UGP2: variants seen among roughly 807,000 people sequenced by gnomAD.
UGP2 encodes the protein UDP-glucose pyrophosphorylase 2.
Under a neutral mutation model 49.0 loss-of-function variants are expected in UGP2, and 40 were observed. That is an observed-to-expected ratio of 0.82 (90% CI 0.63 to 1.06). The LOEUF (loss-of-function observed/expected upper bound fraction) is 1.06. Among genes scored for constraint, UGP2 ranks in the 50% least tolerant of loss-of-function variants. The probability of loss-of-function intolerance (pLI) is 0.00; values close to 1 mark genes in which losing one functional copy is unlikely to be tolerated. For synonymous variants in UGP2, 225 were observed against 213.0 expected (o/e 1.06, Z -0.49); for missense variants, 460 against 603.5 (o/e 0.76, Z 2.49).
chr2:63,876,695 AG>A (rs1211963240), intron 3 of UGP2, among the ~76,000 whole-genome samples: 1 of 152,218 alleles, frequency 6.6e-6, no homozygotes, highest in African/African-American at 2.4e-5. Flanking sequence ...TTAGCATGCA[AG>A]GTTATAAATA....
chr2:63,846,700 A>G (rs1671959874), intron 1 of UGP2, among the ~76,000 whole-genome samples: 1 of 152,212 alleles, frequency 6.6e-6, no homozygotes, highest in African/African-American at 2.4e-5. Flanking sequence ...GGGGTCTCCG[A>G]GGAATACAGA....
At chr2:63,886,678 C>A in intron 7 of UGP2, 140 bp downstream of exon 7, 1 of 927,080 alleles carries the variant, frequency 1.1e-6, no homozygotes, top group Non-Finnish European at 1.6e-6. Context: ...TAGTTCCTAG[C>A]CCTGTCTTCC....
chr2:63,865,887 C>T (rs1403924290), intron 3 of UGP2, among the ~76,000 whole-genome samples: 2 of 152,104 alleles, frequency 1.3e-5, no homozygotes, highest in African/African-American at 4.8e-5. Context: ...GAGTGGCTTG[C>T]TTACCGAAGT....
intron 3 of UGP2, among the ~76,000 whole-genome samples, chr2:63,870,792 T>C (rs372997913): frequency 6.6e-6 from 1 of 152,210 alleles, no homozygotes; most frequent in African/African-American, 2.4e-5. Context: ...TCTGCCCTTA[T>C]GGAGTTTACA....
Position 63,882,388 on chromosome 2 carries a change from A to C in UGP2, c.256-78A>C, listed in dbSNP as rs535170766. The C allele has an allele frequency of 3.1e-6, 4 of 1,278,772 alleles. No individual in the cohort carries two copies. In the East Asian group the frequency reaches 1.0e-4, roughly 32 times the overall value. The allele number at this position is 1,278,772 out of a possible 1,614,324, so 79.2% of individuals were successfully genotyped here. ...AAACCGAAACTTTATGGAAGCATGG[A>C]AATAACCCTGGGATTGATATGCTTT... is the stretch of plus-strand genomic sequence containing the variant. On this transcript the variant is annotated intron_variant, in intron 3 of 9. Transcript: ENST00000337130.
intron 5 of UGP2, 127 bp from the exon 6 acceptor site, chr2:63,885,462 T>G: frequency 1.3e-6 from 1 of 773,040 alleles, no homozygotes; most frequent in Non-Finnish European, 1.9e-6. Context: ...TCACCTATAA[T>G]TAAATTACTT....
chr2:63,884,143 CTTCT>C, intron 5 of UGP2, 50 bp downstream of exon 5: 4 of 1,598,662 alleles, frequency 2.5e-6, no homozygotes, highest in East Asian at 2.2e-5. Flanking sequence ...TGGGAAAGGA[CTTCT>C]TTATCTTGTT....
intron 3 of UGP2, among the ~76,000 whole-genome samples, chr2:63,870,700 AT>A (rs1438472378): frequency 1.3e-5 from 2 of 152,232 alleles, no homozygotes; most frequent in Admixed American, 6.5e-5. Flanking sequence ...TTATTCACAA[AT>A]GTTTGAGTGC....
At position 63,842,672 on chromosome 2, in the gene UGP2, G is replaced by A. The variant is rs920458944; in HGVS notation, c.19+468G>A. On this transcript the variant is annotated intron_variant, in intron 1 of 9. Transcript: ENST00000337130. ...TACTTCGTTTGTGTGTACGTGGTTT[G>A]CGTCTCAGATTCACTTATTGCGAAA... 3 of 1,350,278 alleles carry A rather than the reference G, an allele frequency of 2.2e-6. 1 individual carries two copies. Among genetic ancestry groups the A allele is most frequent in the Non-Finnish European group, 2.9e-6 (3 of 1,041,138 alleles). The allele number at this position is 1,350,278 out of a possible 1,614,324, so 83.6% of individuals were successfully genotyped here. A position where few individuals can be genotyped will look rare whatever the true frequency, so the allele number is the denominator to read the frequency against.
intron 3 of UGP2, among the ~76,000 whole-genome samples, chr2:63,880,971 C>T (rs1218485078): frequency 6.6e-6 from 1 of 152,172 alleles, no homozygotes; most frequent in Non-Finnish European, 1.5e-5. Flanking sequence ...TAGAAAGCTA[C>T]TTAGCAGCAC....
intron 3 of UGP2, among the ~76,000 whole-genome samples, chr2:63,869,275 TAC>T (rs1444589238): frequency 6.6e-6 from 1 of 152,228 alleles, no homozygotes; most frequent in East Asian, 1.9e-4. Context: ...AGTAGAGACC[TAC>T]AGTCTGTTTT....
chr2:63,873,627 T>C (rs922960014), intron 3 of UGP2, among the ~76,000 whole-genome samples: 13 of 151,976 alleles, frequency 8.6e-5, no homozygotes, highest in African/African-American at 3.1e-4. Flanking sequence ...TGAAGTTGTA[T>C]GAGAGGAAAA....
chr2:63,869,148 C>T (rs934234694), intron 3 of UGP2, among the ~76,000 whole-genome samples: 3 of 151,774 alleles, frequency 2.0e-5, no homozygotes, highest in African/African-American at 7.3e-5. Flanking sequence ...AAATATGTAA[C>T]GTGATTTCAA....
At chr2:63,850,000 T>G (rs755544924) in intron 1 of UGP2, among the ~76,000 whole-genome samples, 1 of 152,228 alleles carries the variant, frequency 6.6e-6, no homozygotes, top group Non-Finnish European at 1.5e-5. Flanking sequence ...CAAAGGAGTG[T>G]GAGGCCTTTT....
chr2:63,871,232 A>G (rs1012736494), intron 3 of UGP2, among the ~76,000 whole-genome samples: 30 of 152,246 alleles, frequency 2.0e-4, no homozygotes, highest in African/African-American at 6.7e-4. Flanking sequence ...TCCCCTGGCA[A>G]GCACCATTCT....
chr2:63,859,875 T>C (rs773877954), intron 3 of UGP2, among the ~76,000 whole-genome samples: 6 of 152,250 alleles, frequency 3.9e-5, no homozygotes, highest in Non-Finnish European at 5.9e-5. Flanking sequence ...AAGTTTGCTC[T>C]TCAACTACGT....
chr2:63,856,247 C>T (rs1268711116), intron 1 of UGP2, 59 bp from the exon 2 acceptor site: 7 of 1,577,304 alleles, frequency 4.4e-6, no homozygotes, highest in Admixed American at 1.8e-5. Context: ...TATAGCTTAC[C>T]AGCTGTTTGA....
At chr2:63,860,820 T>A (rs1669787604) in intron 3 of UGP2, among the ~76,000 whole-genome samples, 1 of 147,930 alleles carries the variant, frequency 6.8e-6, no homozygotes, top group Non-Finnish European at 1.5e-5. Flanking sequence ...TCTAGGCTGG[T>A]CTTAAAGTCC....
In UGP2 at chr2:63,886,454, A is replaced by G; in HGVS notation, c.987A>G (p.Thr329=). Residue 329 remains threonine (T), a synonymous_variant, in exon 7 of 10, where the codon ACA becomes ACG. Transcript: ENST00000337130. ...TATCAAAGTTCAAAATATTTAATAC[A>G]AACAACCTATGGATTTCTCTTGCAG... ...KSVSKFKIFN[T]NNLWISLAAV... is the part of the protein sequence containing the mutation. 1 of 1,614,200 alleles carries G rather than the reference A, an allele frequency of 6.2e-7. No homozygotes were observed. The highest frequency in any genetic ancestry group is 8.5e-7 in the Non-Finnish European group (1 of 1,180,022).
Sources: allele counts gnomAD v4.1 joint callset (sites outside exome capture counted in the v4.1 genomes callset), GRCh38; gene constraint gnomAD v4.1.1; transcripts MANE v1.5; gene names NCBI Gene and HGNC (gene_info 2026-07-23, HGNC 2026-07-21).